The following RNASET2 variants were observed in gnomAD, a reference collection of about 807,000 sequenced individuals.
RNASET2 encodes ribonuclease 6.
RNASET2 carries 28 observed loss-of-function variants against 33.9 expected under a neutral mutation model. The observed-to-expected ratio is 0.83, with a 90% CI of 0.61 to 1.13. RNASET2 has a LOEUF of 1.13. Among genes scored for constraint, RNASET2 ranks in the 50% most tolerant of loss-of-function variants. The pLI, the probability that RNASET2 is intolerant of heterozygous loss-of-function variation, is 0.00. For synonymous variants in RNASET2, 123 were observed against 121.0 expected (o/e 1.02, Z -0.11); for missense variants, 330 against 319.9 (o/e 1.03, Z -0.24).
In RNASET2 at chr6:166,955,329, ACG is replaced by A. The variant is rs200440322; in HGVS notation, c.86+766_86+767del. Among the ~76,000 whole-genome samples, 156 of 84,066 alleles carry A rather than the reference ACG, an allele frequency of 1.9e-3. 2 individuals carry two copies. The highest frequency in any genetic ancestry group is 7.7e-3 in the African/African-American group (131 of 17,048). The allele number at this position is 84,066 out of a possible 152,430, so 55.2% of individuals were successfully genotyped here. On this transcript the variant is annotated intron_variant, in intron 1 of 8. Transcript: ENST00000508775. ...ACACGACACACACGCACACACACGC[ACG>A]CACGCACACGCACACGCACGCACAC...
chr6:166,936,711 C>A (rs1261619598), intron 6 of RNASET2, among the ~76,000 whole-genome samples: 1 of 152,206 alleles, frequency 6.6e-6, no homozygotes, highest in African/African-American at 2.4e-5. Context: ...AGCTCAAACA[C>A]CTCCCACCTC....
In RNASET2 at chr6:166,929,694, G is replaced by C; in HGVS notation, c.665C>G (p.Pro222Arg). 1 of 1,614,058 alleles carries C rather than the reference G, an allele frequency of 6.2e-7. No homozygotes were observed. The highest frequency in any genetic ancestry group is 8.5e-7 in the Non-Finnish European group (1 of 1,180,010). ...ATTTGCCAGCCAGACTTCCTGCTTGGGGGACGGCTGCTCCCCCGGCTCGGT... is the reference window on the plus strand; with the variant it reads ...ATTTGCCAGCCAGACTTCCTGCTTGCGGGACGGCTGCTCCCCCGGCTCGGT... The part of the protein sequence containing the change: ...NCTEPGEQPS[P>R]KQEVWLANGA... Residue 222 changes from proline to arginine, a missense_variant, in exon 9 of 9, where the codon CCC becomes CGC. Pro to Arg is a moderately radical substitution (Grantham distance 103). Transcript: ENST00000508775.
chr6:166,938,522 T>C, intron 6 of RNASET2: 1 of 533,478 alleles, frequency 1.9e-6, no homozygotes, highest in Non-Finnish European at 3.8e-6. Flanking sequence ...ACCTACAGAC[T>C]TCCAGAGTTT....
intron 3 of RNASET2, chr6:166,948,271 G>A (rs1778896074): frequency 2.3e-6 from 1 of 426,278 alleles, no homozygotes; most frequent in Admixed American, 3.5e-5. Context: ...ACTTGAACCT[G>A]GGAGGTGGAG....
At position 166,926,395 on chromosome 6, in the gene RNASET2, G is replaced by A. The variant is rs1045252633; in HGVS notation, c.*3193C>T. On this transcript the variant is annotated 3_prime_UTR_variant, in exon 9 of 9. Coordinates refer to ENST00000508775, the MANE Select transcript of RNASET2 (RefSeq NM_003730.6). ...TCTACTAAAAATACAAAAAATAGCC[G>A]GGCATGGTGGCGTGCCTAGTCCCAG... Among the ~76,000 whole-genome samples, 4 of 151,752 alleles carry A rather than the reference G, an allele frequency of 2.6e-5. No individual in the cohort carries two copies. The highest frequency in any genetic ancestry group is 2.1e-4 in the South Asian group (1 of 4,800).
chr6:166,936,700 C>A (rs1210880036), intron 6 of RNASET2, among the ~76,000 whole-genome samples: 1 of 152,192 alleles, frequency 6.6e-6, no homozygotes, highest in African/African-American at 2.4e-5. Flanking sequence ...TCCTTCCCCG[C>A]AGCTCAAACA....
At chr6:166,949,578 C>A (rs1778935542) in intron 2 of RNASET2, among the ~76,000 whole-genome samples, 1 of 149,992 alleles carries the variant, frequency 6.7e-6, no homozygotes, top group African/African-American at 2.5e-5. Context: ...ACTGCATTTT[C>A]ATTTGTCAAC....
intron 6 of RNASET2, among the ~76,000 whole-genome samples, chr6:166,936,350 C>CTT (rs151168396): frequency 6.7e-6 from 1 of 149,392 alleles, no homozygotes; most frequent in African/African-American, 2.5e-5. Flanking sequence ...TTGCATGTGT[C>CTT]GTGTGTGTGT....
intron 1 of RNASET2, 123 bp downstream of exon 1, chr6:166,955,973 CG>C: frequency 8.8e-7 from 1 of 1,142,556 alleles, no homozygotes; most frequent in Non-Finnish European, 1.3e-6. Flanking sequence ...CGGCTCCCCC[CG>C]CCCTCCCCAG....
chr6:166,956,406 T>C lies in RNASET2; in HGVS notation c.-224A>G. 1.7e-6 allele frequency: 1 copy of C among 582,770 alleles called. No homozygotes were observed. Among genetic ancestry groups the C allele is most frequent in the Non-Finnish European group, 3.1e-6 (1 of 327,208 alleles). The allele number at this position is 582,770 out of a possible 1,614,324, so 36.1% of individuals were successfully genotyped here. A position where few individuals can be genotyped will look rare whatever the true frequency, so the allele number is the denominator to read the frequency against. On this transcript the variant is annotated 5_prime_UTR_variant, in exon 1 of 9. Coordinates refer to ENST00000508775, the MANE Select transcript of RNASET2 (RefSeq NM_003730.6). Reference sequence around the variant, plus strand: ...GCTCCGGGAATGGCCGCAGCAGCCCTGGCGACCCGGGCCCCTCGGAGCTCC... The same window carrying C: ...GCTCCGGGAATGGCCGCAGCAGCCCCGGCGACCCGGGCCCCTCGGAGCTCC...
At chr6:166,934,572 T>C (rs889935583) in intron 6 of RNASET2, 1 of 229,208 alleles carries the variant, frequency 4.4e-6, no homozygotes, top group African/African-American at 2.3e-5. Context: ...AAGGCCTGCA[T>C]GTACGAGGGC....
At position 166,943,025 on chromosome 6, in the gene RNASET2, C is replaced by A; in HGVS notation, c.326G>T (p.Arg109Leu). 1.2e-6 allele frequency: 2 copies of A among 1,613,264 alleles called. No homozygotes were observed. Among genetic ancestry groups the A allele is most frequent in the African/African-American group, 1.3e-5 (1 of 75,012 alleles). The change falls in exon 5 of 9, where the codon CGC (arginine) becomes CTC (leucine). Residue 109 changes from arginine to leucine, a missense_variant. Physicochemically the swap from Arg to Leu is moderately radical, Grantham distance 102. Coordinates refer to ENST00000508775, the MANE Select transcript of RNASET2 (RefSeq NM_003730.6). ...ATCAGAGGCTGGGACTTACCAGAAG[C>A]GGCTGCGATTGGGAAACGAGTGAAT... ...DVIHSFPNRS[R>L]FWKHEWEKHG...
At chr6:166,938,429 A>C in intron 6 of RNASET2, 1 of 440,684 alleles carries the variant, frequency 2.3e-6, no homozygotes, top group Admixed American at 2.5e-5. Flanking sequence ...CGATTTAGGC[A>C]GGTTGGGGTC....
chr6:166,923,629 A>C lies in RNASET2; in HGVS notation c.*5959T>G, dbSNP rs772432877. ...CAGTCACTCAGAAAAAAAAAATAGA[A>C]TTCTTATCAGAAAAAAAATGACATA... On this transcript the variant is annotated 3_prime_UTR_variant, in exon 9 of 9. Coordinates refer to ENST00000508775, the MANE Select transcript of RNASET2 (RefSeq NM_003730.6). Among the ~76,000 whole-genome samples, 4 of 150,426 alleles carry C rather than the reference A, an allele frequency of 2.7e-5. No homozygotes were observed. The highest frequency in any genetic ancestry group is 5.0e-5 in the African/African-American group (2 of 40,334).
chr6:166,956,224 G>A lies in RNASET2; in HGVS notation c.-42C>T, dbSNP rs1779163641. 6.6e-7 allele frequency: 1 copy of A among 1,505,006 alleles called. No individual in the cohort carries two copies. The highest frequency in any genetic ancestry group is 9.0e-7 in the Non-Finnish European group (1 of 1,106,906). 93.2% of individuals were successfully genotyped at this position (1,505,006 alleles called of 1,614,324 possible). ...GAGAACGCTGCCAGCTGCCGCTCCG[G>A]CTCCCACTTCCCACCTGCTGCCCGA... On this transcript the variant is annotated 5_prime_UTR_variant, in exon 1 of 9. Transcript: ENST00000508775.
intron 2 of RNASET2, among the ~76,000 whole-genome samples, chr6:166,949,324 A>T (rs1424667953): frequency 6.6e-6 from 1 of 151,594 alleles, no homozygotes; most frequent in Middle Eastern, 3.2e-3. Context: ...CAACCTGTGA[A>T]ACCCTGTCTC....
chr6:166,943,080 G>C lies in RNASET2; in HGVS notation c.271C>G (p.Pro91Ala). The part of the protein sequence containing the change: ...FNLEEIKDLL[P>A]EMRAYWPDVI... Reference sequence around the variant, plus strand: ...TCAGGCCAGTATGCCCTCATTTCTGGCAAAAGATCCTATGCATTAAAAAAT... The same window carrying C: ...TCAGGCCAGTATGCCCTCATTTCTGCCAAAAGATCCTATGCATTAAAAAAT... Residue 91 changes from proline (P) to alanine (A), a missense_variant, in exon 5 of 9, where the codon CCA becomes GCA. Transcript: ENST00000508775. 6.2e-7 allele frequency: 1 copy of C among 1,612,428 alleles called. No individual in the cohort carries two copies. The highest frequency in any genetic ancestry group is 8.5e-7 in the Non-Finnish European group (1 of 1,178,974).
At chr6:166,939,406 T>C (rs1230747205) in intron 5 of RNASET2, among the ~76,000 whole-genome samples, 5 of 152,190 alleles carry the variant, frequency 3.3e-5, no homozygotes, top group African/African-American at 1.2e-4. Context: ...TATTCCCATG[T>C]GGTAGGCATG....
intron 6 of RNASET2, among the ~76,000 whole-genome samples, chr6:166,937,065 G>A (rs549080551): frequency 5.9e-5 from 9 of 152,228 alleles, no homozygotes; most frequent in Admixed American, 2.0e-4. Flanking sequence ...TTTCAGCAAT[G>A]TCAGACTTTC....
Sources: allele counts gnomAD v4.1 joint callset (sites outside exome capture counted in the v4.1 genomes callset), GRCh38; gene constraint gnomAD v4.1.1; transcripts MANE v1.5; gene names NCBI Gene and HGNC (gene_info 2026-07-23, HGNC 2026-07-21).